The following PPFIBP2 variants were observed in gnomAD, a reference collection of about 807,000 sequenced individuals.
The protein encoded by PPFIBP2 is liprin-beta-2.
A neutral mutation model predicts 118.3 loss-of-function variants in PPFIBP2; 118 were observed. The ratio of observed to expected loss-of-function variants is 1.00; its 90% CI spans 0.86 to 1.16. PPFIBP2 has a LOEUF of 1.16. Among genes scored for constraint, PPFIBP2 ranks in the 50% most tolerant of loss-of-function variants. PPFIBP2 has a pLI of 0.00. For missense variants in PPFIBP2, 1,195 were observed against 1,073.1 expected (o/e 1.11, Z -1.59); for synonymous variants, 414 against 397.4 (o/e 1.04, Z -0.50).
chr11:7,548,487 C>T (rs1590196817), intron 1 of PPFIBP2: 1 of 152,224 alleles, frequency 6.6e-6, no homozygotes, highest in Admixed American at 6.5e-5. Flanking sequence ...AGCAACTCCT[C>T]CAGTTTACAG....
chr11:7,611,211 A>T (rs1848034460), intron 6 of PPFIBP2, among the ~76,000 whole-genome samples: 1 of 152,232 alleles, frequency 6.6e-6, no homozygotes, highest in Non-Finnish European at 1.5e-5. Context: ...TGGCTACTTA[A>T]TCTTTCTGAA....
chr11:7,618,550 T>C (rs1291373144), intron 6 of PPFIBP2, among the ~76,000 whole-genome samples: 3 of 152,134 alleles, frequency 2.0e-5, no homozygotes. Context: ...AACCCTCAAC[T>C]TGTGGGCATT....
intron 5 of PPFIBP2, chr11:7,605,770 A>C (rs1847266172): frequency 7.3e-7 from 1 of 1,373,346 alleles, no homozygotes; most frequent in African/African-American, 1.5e-5. Context: ...CAAGTGGGAC[A>C]GATGAAAGGT....
rs1204606563 is a variant in PPFIBP2 at position 7,628,404 on chromosome 11, G to T, written c.888+58G>T. 2.7e-6 allele frequency: 4 copies of T among 1,464,394 alleles called. No individual in the cohort carries two copies. The East Asian group carries it at 9.1e-5, about 33-fold the overall frequency. 90.7% of individuals were successfully genotyped at this position (1,464,394 alleles called of 1,614,324 possible). ...CATGCTTACATCCCTGGCTGTGTTT[G>T]GTCCCTGCTGGTCTCTGATATTCTG... On this transcript the variant is annotated intron_variant, in intron 9 of 23. Transcript: ENST00000299492.
At chr11:7,544,150 G>C (rs952354494) in intron 1 of PPFIBP2, among the ~76,000 whole-genome samples, 1 of 152,152 alleles carries the variant, frequency 6.6e-6, no homozygotes, top group Non-Finnish European at 1.5e-5. Flanking sequence ...ATTGTGGATG[G>C]ACTGCATTTT....
chr11:7,653,003 C>T, intron 23 of PPFIBP2, 21 bp from the exon 24 acceptor site: 1 of 1,594,980 alleles, frequency 6.3e-7, no homozygotes, highest in Non-Finnish European at 8.6e-7. Context: ...TTCTCATAAT[C>T]TTGCATTTTC....
intron 3 of PPFIBP2, chr11:7,574,028 T>G (rs1471303740): frequency 6.6e-6 from 1 of 152,200 alleles, no homozygotes; most frequent in Non-Finnish European, 1.5e-5. Flanking sequence ...GCCAGGTAGG[T>G]GGCAATCCTG....
the PPFIBP2 span, chr11:7,666,255 T>C: frequency 1.0e-5 from 6 of 596,928 alleles, no homozygotes; most frequent in Non-Finnish European, 1.8e-5. Flanking sequence ...CTGCTCTCGA[T>C]TGCCCTTAAA....
intron 9 of PPFIBP2, 116 bp from the exon 10 acceptor site, chr11:7,629,343 T>G: frequency 1.0e-6 from 1 of 1,000,446 alleles, no homozygotes; most frequent in Non-Finnish European, 1.6e-6. Context: ...CTCTTTTCCT[T>G]TGGTTCCACG....
intron 1 of PPFIBP2, among the ~76,000 whole-genome samples, chr11:7,525,492 G>C (rs1305720106): frequency 6.6e-6 from 1 of 152,128 alleles, no homozygotes; most frequent in Non-Finnish European, 1.5e-5. Flanking sequence ...GCATGCTCTG[G>C]GCTTCCAGGT....
At chr11:7,603,194 A>C (rs1565039118) in intron 5 of PPFIBP2, among the ~76,000 whole-genome samples, 1 of 152,166 alleles carries the variant, frequency 6.6e-6, no homozygotes, top group African/African-American at 2.4e-5. Flanking sequence ...GAAAACAGGA[A>C]TTTTTCAAAT....
intron 5 of PPFIBP2, among the ~76,000 whole-genome samples, chr11:7,603,129 T>G (rs1381576360): frequency 6.6e-6 from 1 of 152,222 alleles, no homozygotes; most frequent in Non-Finnish European, 1.5e-5. Context: ...GTGTACATGT[T>G]CCGGTGGGAA....
At chr11:7,562,064 C>T (rs912471234) in intron 2 of PPFIBP2, among the ~76,000 whole-genome samples, 2 of 152,212 alleles carry the variant, frequency 1.3e-5, no homozygotes, top group Non-Finnish European at 2.9e-5. Flanking sequence ...CTAGATCCCT[C>T]GCATGCACAG....
At chr11:7,604,252 G>C (rs1847047414) in intron 5 of PPFIBP2, among the ~76,000 whole-genome samples, 1 of 152,156 alleles carries the variant, frequency 6.6e-6, no homozygotes, top group Non-Finnish European at 1.5e-5. Context: ...GGGGTGGCTA[G>C]GAGTACCTTA....
intron 5 of PPFIBP2, among the ~76,000 whole-genome samples, chr11:7,607,802 T>G (rs1373286813): frequency 6.6e-6 from 1 of 152,210 alleles, no homozygotes; most frequent in Non-Finnish European, 1.5e-5. Flanking sequence ...GTTTATGGCA[T>G]AGATTTTCTA....
chr11:7,640,948 C>A, intron 15 of PPFIBP2: 10 of 1,090,696 alleles, frequency 9.2e-6, no homozygotes, highest in Non-Finnish European at 1.2e-5. Context: ...TTGTTTATTT[C>A]TTTGCTTCCC....
At chr11:7,656,581 C>T (rs1362203133), downstream of PPFIBP2, 5 of 399,468 alleles carry the variant, frequency 1.3e-5, no homozygotes, top group Non-Finnish European at 2.4e-5. Flanking sequence ...ACCCAATACT[C>T]AGGGTTTCTT....
chr11:7,523,739 C>G (rs1186371828), intron 1 of PPFIBP2, among the ~76,000 whole-genome samples: 2 of 152,160 alleles, frequency 1.3e-5, no homozygotes, highest in African/African-American at 4.8e-5. Flanking sequence ...TCTTCCCAGG[C>G]TTATGGTCGC....
At chr11:7,661,036 CTTTT>C (rs1234670058), downstream of PPFIBP2, among the ~76,000 whole-genome samples, 2 of 151,708 alleles carry the variant, frequency 1.3e-5, no homozygotes, top group Non-Finnish European at 2.9e-5. Context: ...ATTCTTCTCT[CTTTT>C]TTTCTTTATT....
Sources: gnomAD v4.1 joint callset for allele counts (sites outside exome capture counted in the v4.1 genomes callset) on GRCh38, gnomAD v4.1.1 for gene constraint, MANE v1.5 for transcripts, NCBI Gene and HGNC (gene_info 2026-07-23, HGNC 2026-07-21) for gene names.